Variants in VEPH1 observed in about 807,000 individuals in gnomAD.
VEPH1 encodes the protein ventricular zone-expressed PH domain-containing protein homolog 1.
A neutral mutation model predicts 85.2 loss-of-function variants in VEPH1; 80 were observed. The ratio of observed to expected loss-of-function variants is 0.94; its 90% CI spans 0.78 to 1.13. The LOEUF is 1.13. Among genes scored for constraint, VEPH1 ranks in the 50% most tolerant of loss-of-function variants. The pLI is 0.00. For synonymous variants in VEPH1, 297 were observed against 348.0 expected, an observed-to-expected ratio of 0.85 and a Z score of 1.63; for missense variants, 955 against 980.5, an observed-to-expected ratio of 0.97 and a Z score of 0.35.
chr3:157,274,485 CTG>C (rs959696689), intron 12 of VEPH1, among the ~76,000 whole-genome samples: 1 of 151,980 alleles, frequency 6.6e-6, no homozygotes, highest in Admixed American at 6.6e-5. Context: ...GGTGAACTCT[CTG>C]TCTCTCTGTC....
At chr3:157,335,282 C>T (rs1722859703) in intron 9 of VEPH1, among the ~76,000 whole-genome samples, 1 of 151,460 alleles carries the variant, frequency 6.6e-6, no homozygotes, top group Non-Finnish European at 1.5e-5. Context: ...CTTGTAGTTC[C>T]AGCTACTTTG....
intron 2 of VEPH1, among the ~76,000 whole-genome samples, chr3:157,483,820 T>C (rs1255672948): frequency 6.6e-6 from 1 of 152,184 alleles, no homozygotes; most frequent in Admixed American, 6.5e-5. Context: ...ATGCCTAGAA[T>C]ATTGCTAGAA....
intron 5 of VEPH1, among the ~76,000 whole-genome samples, chr3:157,425,962 A>G (rs975870602): frequency 1.3e-5 from 2 of 152,120 alleles, no homozygotes; most frequent in African/African-American, 4.8e-5. Flanking sequence ...TTCTCATGGT[A>G]GTGAATAAGT....
chr3:157,378,755 G>A (rs1256039071), intron 7 of VEPH1, among the ~76,000 whole-genome samples: 1 of 152,094 alleles, frequency 6.6e-6, no homozygotes, highest in African/African-American at 2.4e-5. Context: ...GATCGTCCCA[G>A]GTTGGCTTCC....
At chr3:157,318,541 A>C (rs1559954084) in intron 9 of VEPH1, among the ~76,000 whole-genome samples, 1 of 152,056 alleles carries the variant, frequency 6.6e-6, no homozygotes, top group Non-Finnish European at 1.5e-5. Context: ...CAGGAGGTGG[A>C]GTCTGCAGTG....
At chr3:157,332,401 C>G (rs1291480884) in intron 9 of VEPH1, among the ~76,000 whole-genome samples, 2 of 152,124 alleles carry the variant, frequency 1.3e-5, no homozygotes, top group Non-Finnish European at 2.9e-5. Flanking sequence ...CTTCATTTCC[C>G]CTCCTCCTAG....
At chr3:157,442,565 C>G in intron 4 of VEPH1, 1 of 1,614,204 alleles carries the variant, frequency 6.2e-7, no homozygotes, top group Non-Finnish European at 8.5e-7. Context: ...GCTACCAATC[C>G]ATAGTGTTTG....
intron 6 of VEPH1, among the ~76,000 whole-genome samples, chr3:157,396,388 C>T (rs916747787): frequency 3.9e-5 from 6 of 152,148 alleles, no homozygotes. Context: ...GTGAATAGTG[C>T]TGCAGTGAAC....
intron 11 of VEPH1, among the ~76,000 whole-genome samples, chr3:157,299,330 G>A (rs1312410092): frequency 6.6e-6 from 1 of 152,014 alleles, no homozygotes; most frequent in Admixed American, 6.5e-5. Context: ...CAGCTGAGGT[G>A]GGTGGATCAC....
intron 3 of VEPH1, among the ~76,000 whole-genome samples, chr3:157,464,788 A>G (rs1421533009): frequency 6.6e-6 from 1 of 152,212 alleles, no homozygotes; most frequent in African/African-American, 2.4e-5. Context: ...AATAGCAACT[A>G]AAAAGCTCTT....
intron 11 of VEPH1, among the ~76,000 whole-genome samples, chr3:157,312,643 A>C (rs1720227180): frequency 6.6e-6 from 1 of 152,080 alleles, no homozygotes. Context: ...GTCATCCTGG[A>C]TTCTTCTATT....
At chr3:157,284,904 G>T (rs1716580233) in intron 12 of VEPH1, 1 of 152,148 alleles carries the variant, frequency 6.6e-6, no homozygotes, top group South Asian at 2.1e-4. Context: ...TGTGCAGAAC[G>T]TTCATTTCAA....
chr3:157,326,218 T>G (rs1721892274), intron 9 of VEPH1, among the ~76,000 whole-genome samples: 1 of 152,214 alleles, frequency 6.6e-6, no homozygotes, highest in Non-Finnish European at 1.5e-5. Flanking sequence ...TTAAATGATG[T>G]CTCACTAATT....
intron 12 of VEPH1, among the ~76,000 whole-genome samples, chr3:157,271,342 T>C (rs918062922): frequency 1.3e-5 from 2 of 151,906 alleles, no homozygotes; most frequent in African/African-American, 4.8e-5. Context: ...TCAGGCAGGG[T>C]CTTGGCAGGA....
chr3:157,495,516 A>G lies in VEPH1; in HGVS notation c.-157-10T>C. ...TCTTCATTGACACTCTCTGCAAGGG[A>G]AACAAATGACACAATGTAGCCACTG... On this transcript the variant is annotated splice_polypyrimidine_tract_variant and intron_variant, in intron 1 of 13. Coordinates refer to ENST00000362010, the MANE Select transcript of VEPH1 (RefSeq NM_001167912.2). 6.9e-7 allele frequency: 1 copy of G among 1,439,388 alleles called. No individual in the cohort carries two copies. 89.2% of individuals were successfully genotyped at this position (1,439,388 alleles called of 1,614,324 possible). A position where few individuals can be genotyped will look rare whatever the true frequency, so the allele number is the denominator to read the frequency against.
At chr3:157,360,475 CA>C (rs1725921353) in intron 9 of VEPH1, among the ~76,000 whole-genome samples, 2 of 151,876 alleles carry the variant, frequency 1.3e-5, no homozygotes, top group South Asian at 4.2e-4. Flanking sequence ...ATTTATTCAA[CA>C]TTTTTGGGAA....
chr3:157,403,407 A>G (rs1730915289), intron 6 of VEPH1, among the ~76,000 whole-genome samples: 1 of 152,174 alleles, frequency 6.6e-6, no homozygotes, highest in Admixed American at 6.5e-5. Context: ...ATTACACAAA[A>G]GTGTCAATGC....
At chr3:157,368,773 G>A (rs554360396) in intron 7 of VEPH1, among the ~76,000 whole-genome samples, 33 of 152,068 alleles carry the variant, frequency 2.2e-4, no homozygotes, top group Non-Finnish European at 3.5e-4. Context: ...TTACAGGCGT[G>A]AGCCACCGAG....
At chr3:157,483,028 G>C (rs1038722553) in intron 2 of VEPH1, among the ~76,000 whole-genome samples, 9 of 151,478 alleles carry the variant, frequency 5.9e-5, no homozygotes, top group African/African-American at 2.2e-4. Context: ...ATTGAACAAG[G>C]ACCACATAGT....
Sources: allele counts gnomAD v4.1 joint callset (sites outside exome capture counted in the v4.1 genomes callset), GRCh38; gene constraint gnomAD v4.1.1; transcripts MANE v1.5; gene names NCBI Gene and HGNC (gene_info 2026-07-23, HGNC 2026-07-21).